STXBP5L: variants seen among roughly 807,000 people sequenced by gnomAD.
The protein encoded by STXBP5L is syntaxin binding protein 5L.
A neutral mutation model predicts 144.5 loss-of-function variants in STXBP5L; 65 were observed. The ratio of observed to expected loss-of-function variants is 0.45; its 90% CI spans 0.37 to 0.55. The LOEUF (loss-of-function observed/expected upper bound fraction) is 0.55, where lower values mean the gene tolerates loss of function less well. Among genes scored for constraint, STXBP5L ranks in the 20% least tolerant of loss-of-function variants. The pLI is 0.00. For synonymous variants in STXBP5L, 505 were observed against 469.6 expected, an observed-to-expected ratio of 1.08 and a Z score of -0.97; for missense variants, 1,298 against 1,405.5, an observed-to-expected ratio of 0.92 and a Z score of 1.22.
intron 5 of STXBP5L, among the ~76,000 whole-genome samples, chr3:121,106,643 T>C (rs901741989): frequency 4.6e-5 from 7 of 152,218 alleles, no homozygotes; most frequent in African/African-American, 7.2e-5. Flanking sequence ...CAGACTATCA[T>C]TGATGGGCAT....
At chr3:121,239,379 T>G (rs1316242356) in intron 13 of STXBP5L, among the ~76,000 whole-genome samples, 2 of 150,498 alleles carry the variant, frequency 1.3e-5, no homozygotes, top group Non-Finnish European at 2.9e-5. Context: ...GTATGTACAT[T>G]TATATACTAA....
At chr3:120,932,702 T>A (rs1710009437) in intron 2 of STXBP5L, among the ~76,000 whole-genome samples, 1 of 152,182 alleles carries the variant, frequency 6.6e-6, no homozygotes, top group Non-Finnish European at 1.5e-5. Context: ...ACTGGGTATA[T>A]GCCCAAAGGA....
intron 9 of STXBP5L, among the ~76,000 whole-genome samples, chr3:121,187,271 A>G (rs2047427177): frequency 6.6e-6 from 1 of 152,088 alleles, no homozygotes; most frequent in South Asian, 2.1e-4. Flanking sequence ...TGAAGCTGGA[A>G]ACCATCATTC....
intron 19 of STXBP5L, among the ~76,000 whole-genome samples, chr3:121,314,584 G>GGAGGGAGAGGGA (rs201065950): frequency 1.6e-4 from 21 of 129,448 alleles, no homozygotes; most frequent in African/African-American, 5.0e-4. Flanking sequence ...GGGAGACCGT[G>GGAGGGAGAGGGA]GAGGGAGAGG....
At chr3:121,246,636 G>C (rs535339603) in intron 14 of STXBP5L, among the ~76,000 whole-genome samples, 10 of 152,150 alleles carry the variant, frequency 6.6e-5, no homozygotes, top group African/African-American at 2.4e-4. Flanking sequence ...AACATACAAA[G>C]TCATTCATAG....
chr3:121,206,347 T>C (rs1001873715), intron 10 of STXBP5L, among the ~76,000 whole-genome samples: 1 of 152,174 alleles, frequency 6.6e-6, no homozygotes, highest in Non-Finnish European at 1.5e-5. Flanking sequence ...AAGACTTAAA[T>C]ACATAACCAA....
rs1467741099 is a variant in STXBP5L at position 121,272,016 on chromosome 3, T to C, written c.1959-7789T>C. 2.6e-5 allele frequency among the ~76,000 whole-genome samples: 4 copies of C among 152,348 alleles called. No individual in the cohort carries two copies. In the East Asian group the frequency reaches 7.7e-4, roughly 29 times the overall value. On this transcript the variant is annotated intron_variant, in intron 18 of 26. Coordinates refer to ENST00000471454, the MANE Select transcript of STXBP5L (RefSeq NM_001308330.2). ...TGATCAGGAAAGGTACTTGATATGA[T>C]TTCAATCAGCTAAGATTTGGTCTAA... is the stretch of plus-strand genomic sequence containing the variant.
chr3:121,081,132 G>C (rs1268411726), intron 5 of STXBP5L, among the ~76,000 whole-genome samples: 2 of 150,768 alleles, frequency 1.3e-5, no homozygotes, highest in African/African-American at 2.4e-5. Context: ...TCTTCTACTT[G>C]TTCTAGTCTA....
chr3:121,007,725 AACTGCTTGTAGTTGAAGCTTGC>A (rs1188509725), intron 3 of STXBP5L, among the ~76,000 whole-genome samples: 5 of 151,982 alleles, frequency 3.3e-5, no homozygotes, highest in Non-Finnish European at 4.4e-5. Context: ...GAAAGCCTTT[AACTGCTTGTAGTTGAAGCTTGC>A]ACTGCTTGTA....
At chr3:121,408,146 G>A (rs776640835) in intron 23 of STXBP5L, among the ~76,000 whole-genome samples, 5 of 151,804 alleles carry the variant, frequency 3.3e-5, no homozygotes, top group Non-Finnish European at 7.4e-5. Flanking sequence ...GGAAAAGTGA[G>A]GCCAGTCTGA....
chr3:121,031,398 A>G (rs948400016), intron 3 of STXBP5L, among the ~76,000 whole-genome samples: 1 of 95,166 alleles, frequency 1.1e-5, no homozygotes. Context: ...ATTTCTGTCT[A>G]TTCATCAATC....
At chr3:121,178,681 T>G (rs2047026487) in intron 9 of STXBP5L, among the ~76,000 whole-genome samples, 1 of 152,086 alleles carries the variant, frequency 6.6e-6, no homozygotes, top group Admixed American at 6.6e-5. Context: ...GGAGAAGGCT[T>G]TAACCTTACC....
intron 2 of STXBP5L, among the ~76,000 whole-genome samples, chr3:120,940,637 G>GA (rs34714742): frequency 0.38 from 55,106 of 145,630 alleles, 10,500 homozygotes; most frequent in Admixed American, 0.49. Flanking sequence ...CCTAGGGGTG[G>GA]AAAAAAAAAA....
chr3:121,268,881 C>T (rs532323610), intron 18 of STXBP5L, among the ~76,000 whole-genome samples: 8 of 152,150 alleles, frequency 5.3e-5, no homozygotes, highest in South Asian at 2.1e-4. Context: ...TTCAGTTTGT[C>T]GCACATATAT....
At chr3:120,916,689 A>C (rs979940388) in intron 2 of STXBP5L, among the ~76,000 whole-genome samples, 1 of 152,200 alleles carries the variant, frequency 6.6e-6, no homozygotes, top group Non-Finnish European at 1.5e-5. Context: ...TATTATAAAT[A>C]AAACTGATCA....
intron 6 of STXBP5L, among the ~76,000 whole-genome samples, chr3:121,117,653 G>T (rs936951716): frequency 6.6e-6 from 1 of 151,626 alleles, no homozygotes; most frequent in Admixed American, 6.6e-5. Context: ...ACAAATGCAA[G>T]AATTATCTAA....
At chr3:120,947,110 A>G (rs1225216176) in intron 2 of STXBP5L, among the ~76,000 whole-genome samples, 1 of 151,818 alleles carries the variant, frequency 6.6e-6, no homozygotes, top group Admixed American at 6.6e-5. Context: ...AAAAGAAAAC[A>G]AGCAAAGCAA....
chr3:121,072,958 A>T (rs1177873049), intron 5 of STXBP5L, among the ~76,000 whole-genome samples: 2 of 152,194 alleles, frequency 1.3e-5, no homozygotes, highest in Non-Finnish European at 2.9e-5. Context: ...TTTGGCTAAG[A>T]GCAATGCTCT....
chr3:121,269,905 T>A (rs1217518571), intron 18 of STXBP5L, among the ~76,000 whole-genome samples: 3 of 152,204 alleles, frequency 2.0e-5, no homozygotes, highest in African/African-American at 7.2e-5. Flanking sequence ...CATTATTATT[T>A]AGGATTAATT....
Sources: allele counts gnomAD v4.1 joint callset (sites outside exome capture counted in the v4.1 genomes callset), GRCh38; gene constraint gnomAD v4.1.1; transcripts MANE v1.5; gene names NCBI Gene and HGNC (gene_info 2026-07-23, HGNC 2026-07-21).